The following MAPKAPK3 variants were observed in gnomAD, a reference collection of about 807,000 sequenced individuals.
The protein encoded by MAPKAPK3 is MAPK activated protein kinase 3.
MAPKAPK3 carries 35 observed loss-of-function variants against 49.2 expected under a neutral mutation model. The observed-to-expected ratio is 0.71, with a 90% CI of 0.54 to 0.94. The LOEUF is 0.94. Among genes scored for constraint, MAPKAPK3 ranks in the 40% least tolerant of loss-of-function variants. The pLI is 0.00. For synonymous variants in MAPKAPK3, 178 were observed against 188.7 expected (o/e 0.94, Z 0.46); for missense variants, 398 against 493.1 (o/e 0.81, Z 1.83).
chr3:50,619,879 C>A (rs1224917468), intron 2 of MAPKAPK3, among the ~76,000 whole-genome samples: 1 of 152,172 alleles, frequency 6.6e-6, no homozygotes, highest in Non-Finnish European at 1.5e-5. Flanking sequence ...TTGTTCTGGA[C>A]TGGGAATTGG....
At chr3:50,615,961 G>T (rs527436777), upstream of MAPKAPK3, among the ~76,000 whole-genome samples, 28 of 152,364 alleles carry the variant, frequency 1.8e-4, no homozygotes, top group African/African-American at 6.7e-4. Context: ...TGCAGCCCAG[G>T]GGTCCGTGAG....
rs779105845 is a variant in MAPKAPK3 at position 50,647,163 on chromosome 3, G to A, written c.956G>A (p.Arg319Gln). The change falls in exon 10 of 11, where the codon CGA (arginine) becomes CAA (glutamine). Residue 319 changes from arginine (R) to glutamine (Q), a missense_variant. Physicochemically the swap from Arg to Gln is conservative, Grantham distance 43. Coordinates refer to ENST00000621469, the MANE Select transcript of MAPKAPK3 (RefSeq NM_001243925.2). ...VVPQTPLHTA[R>Q]VLQEDKDHWD... Reference sequence around the variant, plus strand: ...CCACAGACCCCACTCCACACGGCCCGAGTGCTGCAGGAGGACAAAGACCAC... The same window carrying A: ...CCACAGACCCCACTCCACACGGCCCAAGTGCTGCAGGAGGACAAAGACCAC... 34 of 1,597,006 alleles carry A rather than the reference G, an allele frequency of 2.1e-5. No homozygotes were observed. Among genetic ancestry groups the A allele is most frequent in the South Asian group, 3.4e-5 (3 of 87,846 alleles).
rs1429867795 is a variant in MAPKAPK3 at position 50,646,171 on chromosome 3, A to G, written c.736A>G (p.Thr246Ala). The G allele has an allele frequency of 6.2e-7, 1 of 1,613,680 alleles. No homozygotes were observed. Among genetic ancestry groups the G allele is most frequent in the African/African-American group, 1.3e-5 (1 of 74,892 alleles). ...TGGCTTCCCACCCTTCTACTCCAAC[A>G]CGGGCCAGGCCATCTCCCCGGGGAT... Reference protein sequence around the residue: ...LCGFPPFYSNTGQAISPGMKR... With the variant: ...LCGFPPFYSNAGQAISPGMKR... The change falls in exon 8 of 11, where the codon ACG becomes GCG. Residue 246 changes from threonine (T) to alanine (A), a missense_variant. Transcript: ENST00000621469.
At chr3:50,632,647 C>T (rs2040397) in intron 2 of MAPKAPK3, among the ~76,000 whole-genome samples, 29,249 of 152,252 alleles carry the variant, frequency 0.19, 3,619 homozygotes, top group Non-Finnish European at 0.26. Context: ...TTTATTACTG[C>T]CTCGTTGATG....
upstream of MAPKAPK3, chr3:50,611,794 C>G (rs759335042): frequency 7.0e-6 from 8 of 1,143,640 alleles, no homozygotes; most frequent in Non-Finnish European, 9.2e-6. Flanking sequence ...TGGCGCGGAC[C>G]GCCTGCGAGG....
At position 50,635,406 on chromosome 3, in the gene MAPKAPK3, C is replaced by CTTTTTTTT. The variant is rs386396609; in HGVS notation, c.220-4938_220-4931dup. On this transcript the variant is annotated intron_variant, in intron 2 of 10. Transcript: ENST00000621469. ...CTCACTGGGGCCTCCTCAATTTAATCTTTTTTTTTTTTTTTTTTTTTTTTT... is the reference window on the plus strand; with the variant it reads ...CTCACTGGGGCCTCCTCAATTTAATCTTTTTTTTTTTTTTTTTTTTTTTTTTTTTTTTT... 8.2e-4 allele frequency among the ~76,000 whole-genome samples: 40 copies of CTTTTTTTT among 48,624 alleles called. 1 individual carries two copies. The highest frequency in any genetic ancestry group is 9.7e-4 in the Non-Finnish European group (29 of 29,984). 31.9% of individuals were successfully genotyped at this position (48,624 alleles called of 152,430 possible). A position where few individuals can be genotyped will look rare whatever the true frequency, so the allele number is the denominator to read the frequency against.
At position 50,646,799 on chromosome 3, in the gene MAPKAPK3, C is replaced by T. The variant is rs774366640; in HGVS notation, c.889C>T (p.Gln297Ter). 14 of 1,614,082 alleles carry T rather than the reference C, an allele frequency of 8.7e-6. No homozygotes were observed. Among genetic ancestry groups the T allele is most frequent in the Admixed American group, 1.7e-5 (1 of 60,018 alleles). The change falls in exon 9 of 11, where the codon CAG (glutamine) becomes TAG (stop). Residue 297 changes from glutamine to a stop codon, truncating the protein, a stop_gained. Coordinates refer to ENST00000621469, the MANE Select transcript of MAPKAPK3 (RefSeq NM_001243925.2). LOFTEE classifies it high-confidence loss of function. ...TDPTERLTIT[Q>*]FMNHPWINQS... ...CCCCACAGAGAGGCTGACCATCACTCAGTTCATGAACCACCCCTGGATCAA... is the reference window on the plus strand; with the variant it reads ...CCCCACAGAGAGGCTGACCATCACTTAGTTCATGAACCACCCCTGGATCAA...
chr3:50,642,508 C>T (rs551927414), intron 5 of MAPKAPK3, among the ~76,000 whole-genome samples, 176 bp downstream of exon 5: 51 of 152,350 alleles, frequency 3.3e-4, no homozygotes, highest in Non-Finnish European at 6.5e-4. Flanking sequence ...TCAGCATACT[C>T]ATTCTGTTCT....
Position 50,648,071 on chromosome 3 carries a change from G to A in MAPKAPK3, c.*25G>A. ...GCTCATGGGGCCTTGGAGGAGCCTG[G>A]CCTCTCAGCCTGCATAACAGACTGA... On this transcript the variant is annotated 3_prime_UTR_variant, in exon 11 of 11. Coordinates refer to ENST00000621469, the MANE Select transcript of MAPKAPK3 (RefSeq NM_001243925.2). The A allele has an allele frequency of 3.7e-6, 6 of 1,602,892 alleles. No individual in the cohort carries two copies. Among genetic ancestry groups the A allele is most frequent in the Non-Finnish European group, 4.3e-6 (5 of 1,175,178 alleles).
chr3:50,642,160 G>A, intron 4 of MAPKAPK3, 93 bp from the exon 5 acceptor site: 2 of 839,584 alleles, frequency 2.4e-6, no homozygotes, highest in Admixed American at 1.8e-5. Context: ...CTTGTCTTGT[G>A]CTGGCCTGTT....
At chr3:50,615,867 G>A (rs1260238346), upstream of MAPKAPK3, among the ~76,000 whole-genome samples, 1 of 152,234 alleles carries the variant, frequency 6.6e-6, no homozygotes, top group Non-Finnish European at 1.5e-5. Context: ...CTAATAAGTT[G>A]TAGCACCCTT....
intron 3 of MAPKAPK3, 82 bp downstream of exon 3, chr3:50,640,587 T>G (rs2033157200): frequency 6.7e-7 from 1 of 1,487,176 alleles, no homozygotes; most frequent in African/African-American, 1.4e-5. Context: ...AGGGGCTTTC[T>G]TTGTTTTTCA....
chr3:50,646,909 G>A, intron 9 of MAPKAPK3, 84 bp downstream of exon 9: 1 of 1,393,726 alleles, frequency 7.2e-7, no homozygotes, highest in Non-Finnish European at 1.0e-6. Flanking sequence ...TCTGCTTTGA[G>A]GCCCCAGTGC....
At chr3:50,640,595 T>C in intron 3 of MAPKAPK3, 90 bp downstream of exon 3, 1 of 1,468,528 alleles carries the variant, frequency 6.8e-7, no homozygotes, top group Admixed American at 2.3e-5. Flanking sequence ...TCTTTGTTTT[T>C]CAGGTAGCAG....
upstream of MAPKAPK3, chr3:50,614,154 C>G (rs1436980270): frequency 1.3e-5 from 2 of 152,144 alleles, no homozygotes; most frequent in Admixed American, 1.3e-4. Flanking sequence ...TGCCCCTGTT[C>G]TGCCCCAAGT....
intron 2 of MAPKAPK3, among the ~76,000 whole-genome samples, chr3:50,635,936 A>C (rs868124901): frequency 5.3e-4 from 65 of 122,986 alleles, no homozygotes; most frequent in Middle Eastern, 4.2e-3. Context: ...AAAAAAAAAA[A>C]AAAAAAAAAA....
upstream of MAPKAPK3, chr3:50,611,839 G>A (rs1223766040): frequency 7.3e-6 from 5 of 680,568 alleles, no homozygotes; most frequent in East Asian, 3.5e-5. Context: ...GGGGCGGGGC[G>A]AGCTGCTGCC....
chr3:50,624,101 A>T (rs1213623302), intron 2 of MAPKAPK3, among the ~76,000 whole-genome samples: 2 of 152,272 alleles, frequency 1.3e-5, no homozygotes, highest in African/African-American at 4.8e-5. Flanking sequence ...CCAGAGCACC[A>T]CGGGCAGGAA....
Position 50,640,372 on chromosome 3 carries a change from T to A in MAPKAPK3, c.226T>A (p.Tyr76Asn). The A allele has an allele frequency of 6.2e-7, 1 of 1,613,626 alleles. No homozygotes were observed. Reference sequence around the variant, plus strand: ...TATGTGCACCCACCTACAGCTCCTGTATGACAGCCCCAAGGCCCGGCAGGA... The same window carrying A: ...TATGTGCACCCACCTACAGCTCCTGAATGACAGCCCCAAGGCCCGGCAGGA... ...TGQKCALKLLYDSPKARQEVD... is the reference protein window; with the variant it reads ...TGQKCALKLLNDSPKARQEVD... Residue 76 changes from tyrosine (Y) to asparagine (N), a missense_variant, in exon 3 of 11, where the codon TAT becomes AAT. By Grantham distance (143) the Tyr-to-Asn change is moderately radical. Around this residue, in one of 5 missense-constraint regions of MAPKAPK3, gnomAD observed 123 missense variants for 117.7 expected, o/e 1.04. Transcript: ENST00000621469.
Sources: allele counts gnomAD v4.1 joint callset (sites outside exome capture counted in the v4.1 genomes callset), GRCh38; gene constraint gnomAD v4.1.1; regional missense constraint gnomAD v4.1.1; transcripts MANE v1.5; gene names NCBI Gene and HGNC (gene_info 2026-07-23, HGNC 2026-07-21).